GALNT2: variants seen among roughly 807,000 people sequenced by gnomAD.
The protein encoded by GALNT2 is polypeptide N-acetylgalactosaminyltransferase 2, also known as UDP-GalNAc:polypeptide N-acetylgalactosaminyltransferase 2.
A neutral mutation model predicts 81.4 loss-of-function variants in GALNT2; 31 were observed. That is an observed-to-expected ratio of 0.38 (90% CI 0.29 to 0.51). The LOEUF is 0.51. GALNT2 is among the 20% of genes least tolerant of loss of function. The probability of loss-of-function intolerance (pLI) is 0.87; values close to 1 mark genes in which losing one functional copy is unlikely to be tolerated. For synonymous variants in GALNT2, 303 were observed against 287.4 expected (o/e 1.05, Z -0.55); for missense variants, 629 against 765.7 (o/e 0.82, Z 2.11).
At chr1:230,117,753 G>T (rs1176573903) in intron 1 of GALNT2, among the ~76,000 whole-genome samples, 1 of 152,226 alleles carries the variant, frequency 6.6e-6, no homozygotes, top group Non-Finnish European at 1.5e-5. Context: ...TTGAAATATT[G>T]TGAGAATGGC....
At chr1:230,274,420 T>C in intron 14 of GALNT2, 25 bp from the exon 15 acceptor site, 1 of 1,612,200 alleles carries the variant, frequency 6.2e-7, no homozygotes, top group Non-Finnish European at 8.5e-7. Context: ...ATAGCACGCC[T>C]CTGACTTCTG....
Position 230,060,487 on chromosome 1 carries a change from C to A in GALNT2, n.89+2409C>A, listed in dbSNP as rs138336248. Among the ~76,000 whole-genome samples the A allele has an allele frequency of 1.7e-3, 265 of 152,228 alleles. 2 individuals are homozygous for A. The highest frequency in any genetic ancestry group is 3.4e-3 in the Middle Eastern group (1 of 294). ...TTTGGTCACCTGGCCAAGGTGCTGC[C>A]TATTTCTCCACCAGCTACTAAATCC... is the stretch of plus-strand genomic sequence containing the variant. On this transcript the variant is annotated intron_variant and non_coding_transcript_variant, in intron 1 of 6. Transcript: ENST00000494106.
At chr1:230,155,127 C>A (rs1391830763) in intron 1 of GALNT2, among the ~76,000 whole-genome samples, 1 of 152,194 alleles carries the variant, frequency 6.6e-6, no homozygotes, top group Non-Finnish European at 1.5e-5. Flanking sequence ...TTTCCGCGTG[C>A]AGTTTTCTGC....
At chr1:230,124,934 G>A (rs574666676) in intron 1 of GALNT2, among the ~76,000 whole-genome samples, 130 of 152,294 alleles carry the variant, frequency 8.5e-4, no homozygotes, top group Non-Finnish European at 3.4e-4. Flanking sequence ...CCAAACACTG[G>A]AGGAGCACAC....
chr1:230,188,655 C>G (rs12747901), intron 2 of GALNT2, among the ~76,000 whole-genome samples: 2 of 152,180 alleles, frequency 1.3e-5, no homozygotes, highest in Non-Finnish European at 2.9e-5. Flanking sequence ...TAGTTCCCCC[C>G]ACCCTCATAC....
At chr1:230,074,870 A>G (rs978391787) in intron 1 of GALNT2, among the ~76,000 whole-genome samples, 3 of 152,148 alleles carry the variant, frequency 2.0e-5, no homozygotes, top group Non-Finnish European at 4.4e-5. Context: ...CAGGTGGCAG[A>G]CCCAGGGTTG....
At chr1:230,270,207 A>T (rs552758886) in intron 14 of GALNT2, among the ~76,000 whole-genome samples, 6 of 152,236 alleles carry the variant, frequency 3.9e-5, no homozygotes, top group Admixed American at 3.9e-4. Flanking sequence ...TCTCAAAAAA[A>T]TAAATAAAAA....
chr1:230,164,695 G>C (rs1442556127), intron 1 of GALNT2, among the ~76,000 whole-genome samples: 2 of 152,074 alleles, frequency 1.3e-5, no homozygotes, highest in Non-Finnish European at 2.9e-5. Context: ...CACCACGCCT[G>C]GCTAATTTTT....
rs956752043 is a variant in GALNT2 at position 230,257,871 on chromosome 1, A to G, written c.1136+2527A>G. ...CGTGCTGCCCCTACAGAAATAGGGA[A>G]AGCCTTGGGGTGGGTGTGGGTGTGG... is the stretch of plus-strand genomic sequence containing the variant. On this transcript the variant is annotated intron_variant, in intron 11 of 15. Transcript: ENST00000366672. The surrounding 1 kb of genome is among the most constrained non-coding windows in gnomAD (Gnocchi z 4.6). Among the ~76,000 whole-genome samples the G allele has an allele frequency of 3.3e-5, 5 of 152,172 alleles. No individual in the cohort carries two copies. Among genetic ancestry groups the G allele is most frequent in the Non-Finnish European group, 7.3e-5 (5 of 68,030 alleles).
chr1:230,088,290 G>A (rs1659955612), intron 1 of GALNT2, among the ~76,000 whole-genome samples: 1 of 152,134 alleles, frequency 6.6e-6, no homozygotes, highest in Admixed American at 6.5e-5. Context: ...TCTGCTTTCT[G>A]CCTCTGTGCA....
intron 2 of GALNT2, among the ~76,000 whole-genome samples, chr1:230,185,547 T>C: frequency 6.6e-6 from 1 of 151,756 alleles, no homozygotes; most frequent in South Asian, 2.1e-4. Flanking sequence ...CATCCTTAGG[T>C]GATACTAAAG....
chr1:230,159,388 A>C (rs1662362156), intron 1 of GALNT2, among the ~76,000 whole-genome samples: 1 of 152,202 alleles, frequency 6.6e-6, no homozygotes, highest in South Asian at 2.1e-4. Context: ...AGAGACCCTG[A>C]GTGTGAGGCT....
At chr1:230,207,210 T>G (rs1449299991) in intron 3 of GALNT2, among the ~76,000 whole-genome samples, 1 of 152,080 alleles carries the variant, frequency 6.6e-6, no homozygotes, top group Admixed American at 6.6e-5. Flanking sequence ...TCATGCAAGA[T>G]ATGAAGAATC....
intron 1 of GALNT2, among the ~76,000 whole-genome samples, chr1:230,144,359 A>G (rs1661845308): frequency 6.6e-6 from 1 of 152,142 alleles, no homozygotes; most frequent in African/African-American, 2.4e-5. Context: ...AAGAAAGACT[A>G]CTACACTCGG....
At chr1:230,262,484 C>T (rs1558167415) in intron 11 of GALNT2, 89 bp from the exon 12 acceptor site, 3 of 1,138,258 alleles carry the variant, frequency 2.6e-6, no homozygotes, top group African/African-American at 1.5e-5. Context: ...GAGGGAGCCG[C>T]CTCAGTCACA....
intron 3 of GALNT2, among the ~76,000 whole-genome samples, chr1:230,231,354 A>G (rs1664859427): frequency 1.3e-5 from 2 of 152,308 alleles, no homozygotes; most frequent in Non-Finnish European, 2.9e-5. Context: ...TTACACAGTA[A>G]CCAAGGTTAC....
At chr1:230,145,025 C>T (rs1430327653) in intron 1 of GALNT2, among the ~76,000 whole-genome samples, 5 of 152,064 alleles carry the variant, frequency 3.3e-5, no homozygotes, top group Non-Finnish European at 5.9e-5. Flanking sequence ...GTGAGAGGCC[C>T]GGCGGAGCAT....
chr1:230,262,322 C>T (rs551941662), intron 11 of GALNT2: 2 of 466,706 alleles, frequency 4.3e-6, no homozygotes, highest in Admixed American at 3.7e-5. Context: ...TGCCTTTTGC[C>T]CTTTGACCAT....
In GALNT2 at chr1:230,249,274, A is replaced by G. The variant is rs774479602; in HGVS notation, c.905+3A>G. 4.1e-5 allele frequency: 66 copies of G among 1,613,574 alleles called. No homozygotes were observed. The highest frequency in any genetic ancestry group is 1.7e-4 in the Middle Eastern group (1 of 5,984). ...GGGAACCCAGTCGCCCCTATAAAGT[A>G]AGTGCCAGCATCCTTCAGGGTGCCC... is the stretch of plus-strand genomic sequence containing the variant. On this transcript the variant is annotated splice_donor_region_variant and intron_variant, in intron 9 of 15. Transcript: ENST00000366672.
Sources: allele counts gnomAD v4.1 joint callset (sites outside exome capture counted in the v4.1 genomes callset), GRCh38; gene constraint gnomAD v4.1.1; non-coding constraint Gnocchi (gnomAD v3.1); transcripts MANE v1.5; gene names NCBI Gene and HGNC (gene_info 2026-07-23, HGNC 2026-07-21).